Variants in DOK5 observed in about 807,000 individuals in gnomAD.
DOK5 encodes the protein docking protein 5, also known as downstream of tyrosine kinase 5.
Under a neutral mutation model 43.3 loss-of-function variants are expected in DOK5, and 27 were observed. The observed-to-expected ratio is 0.62, with a 90% CI of 0.46 to 0.86. DOK5 has a LOEUF of 0.86. DOK5 is among the 40% of genes least tolerant of loss of function. The pLI is 0.00. For synonymous variants in DOK5, 146 were observed against 140.1 expected (o/e 1.04, Z -0.30); for missense variants, 373 against 392.9 (o/e 0.95, Z 0.43).
intron 5 of DOK5, among the ~76,000 whole-genome samples, chr20:54,609,260 A>G (rs1256566657): frequency 6.6e-6 from 1 of 152,224 alleles, no homozygotes; most frequent in African/African-American, 2.4e-5. Flanking sequence ...AAATTCAGGC[A>G]CTGAAGCTAC....
intron 6 of DOK5, among the ~76,000 whole-genome samples, chr20:54,619,051 A>G (rs913887892): frequency 5.3e-5 from 6 of 113,448 alleles, no homozygotes; most frequent in African/African-American, 1.0e-4. Flanking sequence ...ATATATATAT[A>G]TATATATATA....
chr20:54,525,272 T>C (rs1983539436), intron 1 of DOK5, among the ~76,000 whole-genome samples: 2 of 152,218 alleles, frequency 1.3e-5, no homozygotes, highest in African/African-American at 4.8e-5. Flanking sequence ...TACAGAGGAA[T>C]ATTACAATAT....
intron 1 of DOK5, 36 bp from the exon 2 acceptor site, chr20:54,554,897 G>A: frequency 7.7e-7 from 1 of 1,302,446 alleles, no homozygotes; most frequent in Non-Finnish European, 1.1e-6. Flanking sequence ...GTCAGTCAGG[G>A]GAGATGCTGA....
At chr20:54,598,881 T>C (rs894085801) in intron 5 of DOK5, among the ~76,000 whole-genome samples, 8 of 152,204 alleles carry the variant, frequency 5.3e-5, no homozygotes, top group Non-Finnish European at 1.0e-4. Context: ...ATAATTTGTT[T>C]TTTTGTATAT....
At chr20:54,536,462 G>A (rs115989679) in intron 1 of DOK5, among the ~76,000 whole-genome samples, 8 of 152,176 alleles carry the variant, frequency 5.3e-5, no homozygotes, top group Admixed American at 6.5e-5. Context: ...TACTCCTCTC[G>A]CTGAGACTAT....
chr20:54,634,554 G>C (rs1211106958), intron 6 of DOK5, among the ~76,000 whole-genome samples: 1 of 141,648 alleles, frequency 7.1e-6, no homozygotes, highest in African/African-American at 2.7e-5. Context: ...CCATTCTCTT[G>C]CCTCAGCCTC....
At chr20:54,481,389 C>T (rs111961387) in intron 1 of DOK5, among the ~76,000 whole-genome samples, 2,241 of 152,132 alleles carry the variant, frequency 0.015, 48 homozygotes, top group African/African-American at 0.051. Context: ...AGGCTGGTGT[C>T]GAACTCCTGA....
intron 5 of DOK5, among the ~76,000 whole-genome samples, chr20:54,603,879 T>C (rs1369965747): frequency 6.6e-6 from 1 of 151,904 alleles, no homozygotes; most frequent in Non-Finnish European, 1.5e-5. Context: ...CATAGTGTTG[T>C]TGGCCTTGCT....
chr20:54,530,823 T>A (rs1443196791), intron 1 of DOK5, among the ~76,000 whole-genome samples: 1 of 152,134 alleles, frequency 6.6e-6, no homozygotes, highest in Non-Finnish European at 1.5e-5. Flanking sequence ...ACCCCTGCAA[T>A]ACCCTGTACA....
intron 6 of DOK5, among the ~76,000 whole-genome samples, chr20:54,628,365 C>A (rs1400315677): frequency 7.8e-6 from 1 of 127,698 alleles, no homozygotes; most frequent in African/African-American, 3.1e-5. Context: ...GCCGAGATCG[C>A]GCCACTGCAC....
At chr20:54,608,747 T>G (rs1372252733) in intron 5 of DOK5, among the ~76,000 whole-genome samples, 1 of 151,472 alleles carries the variant, frequency 6.6e-6, no homozygotes, top group Non-Finnish European at 1.5e-5. Context: ...CTCAGCTCAC[T>G]GCAACCTCCA....
chr20:54,518,803 C>A (rs1374349269), intron 1 of DOK5, among the ~76,000 whole-genome samples: 2 of 151,952 alleles, frequency 1.3e-5, no homozygotes, highest in Non-Finnish European at 2.9e-5. Context: ...GCAATCTACT[C>A]ATGTAATGAA....
At chr20:54,576,461 G>A (rs1376368220) in intron 2 of DOK5, among the ~76,000 whole-genome samples, 3 of 152,080 alleles carry the variant, frequency 2.0e-5, no homozygotes, top group African/African-American at 7.2e-5. Context: ...TTAAAAGAAG[G>A]AATAATCAAT....
intron 1 of DOK5, among the ~76,000 whole-genome samples, chr20:54,505,092 G>T (rs560580352): frequency 6.6e-6 from 1 of 152,130 alleles, no homozygotes; most frequent in Admixed American, 6.5e-5. Context: ...CACTGCTCAG[G>T]TTTGAATTGG....
chr20:54,539,708 C>G (rs578042618), intron 1 of DOK5, among the ~76,000 whole-genome samples: 1 of 152,188 alleles, frequency 6.6e-6, no homozygotes, highest in Non-Finnish European at 1.5e-5. Context: ...AACCTTAAGA[C>G]AACCCAGGAC....
At chr20:54,525,855 C>A (rs981264622) in intron 1 of DOK5, among the ~76,000 whole-genome samples, 5 of 152,166 alleles carry the variant, frequency 3.3e-5, no homozygotes, top group African/African-American at 1.2e-4. Flanking sequence ...TGTATTCAGG[C>A]CTTCTAATGC....
Position 54,625,138 on chromosome 20 carries a change from G to A in DOK5, c.735+14615G>A, listed in dbSNP as rs73279060. On this transcript the variant is annotated intron_variant, in intron 6 of 7. Coordinates refer to ENST00000262593, the MANE Select transcript of DOK5 (RefSeq NM_018431.5). ...TTTTCCTCCAAATGTCAGAACAAAA[G>A]AGAGGACTTGGAGAAAGTAAAGACA... Among the ~76,000 whole-genome samples the A allele has an allele frequency of 3.5e-3, 540 of 152,320 alleles. 5 individuals carry two copies. Among genetic ancestry groups the A allele is most frequent in the African/African-American group, 0.013 (522 of 41,560 alleles).
At chr20:54,508,963 G>T in intron 1 of DOK5, among the ~76,000 whole-genome samples, 1 of 151,632 alleles carries the variant, frequency 6.6e-6, no homozygotes, top group Non-Finnish European at 1.5e-5. Flanking sequence ...TGCAACCTCC[G>T]TCTCCCTGGT....
chr20:54,576,366 A>T (rs1150425), intron 2 of DOK5, among the ~76,000 whole-genome samples: 104,967 of 152,082 alleles, frequency 0.69, 38,103 homozygotes, highest in African/African-American at 0.92. Flanking sequence ...TTCAACTGCA[A>T]AGATGAATCT....
Sources: gnomAD v4.1 joint callset for allele counts (sites outside exome capture counted in the v4.1 genomes callset) on GRCh38, gnomAD v4.1.1 for gene constraint, MANE v1.5 for transcripts, NCBI Gene and HGNC (gene_info 2026-07-23, HGNC 2026-07-21) for gene names.